EYS: variants seen among roughly 807,000 people sequenced by gnomAD.
EYS encodes the protein EGF-like photoreceptor maintenance factor.
In EYS, 250 loss-of-function variants were observed where a neutral mutation model predicts 282.1. That is an observed-to-expected ratio of 0.89 (90% CI 0.80 to 0.98). The LOEUF is 0.98. Ranked by LOEUF, EYS falls within the 50% of genes least tolerant of loss-of-function variation. The probability of loss-of-function intolerance (pLI) is 0.00; values close to 1 mark genes in which losing one functional copy is unlikely to be tolerated. For missense variants in EYS, 4,016 were observed against 3,709.0 expected, an observed-to-expected ratio of 1.08 and a Z score of -2.15; for synonymous variants, 1,355 against 1,282.9, an observed-to-expected ratio of 1.06 and a Z score of -1.20.
rs901874913 is a variant in EYS at position 65,301,215 on chromosome 6, G to T, written c.1767-5096C>A. 2.0e-4 allele frequency among the ~76,000 whole-genome samples: 30 copies of T among 147,866 alleles called. 1 individual carries two copies. The South Asian group carries it at 3.1e-3, about 15-fold the overall frequency. Reference sequence around the variant, plus strand: ...ATTTTATTGAAAGTCTAGATTTTGGGCTGGGCGTGGTAACTCATGCCTGTA... The same window carrying T: ...ATTTTATTGAAAGTCTAGATTTTGGTCTGGGCGTGGTAACTCATGCCTGTA... On this transcript the variant is annotated intron_variant, in intron 11 of 42. Coordinates refer to ENST00000503581, the MANE Select transcript of EYS (RefSeq NM_001142800.2).
At chr6:64,676,954 A>G (rs1158405188) in intron 22 of EYS, among the ~76,000 whole-genome samples, 1 of 152,192 alleles carries the variant, frequency 6.6e-6, no homozygotes, top group Non-Finnish European at 1.5e-5. Flanking sequence ...GAGTGGGCAC[A>G]TAAACATTCC....
intron 2 of EYS, among the ~76,000 whole-genome samples, chr6:65,587,866 A>G (rs1021456502): frequency 6.6e-6 from 1 of 152,108 alleles, no homozygotes; most frequent in Admixed American, 6.6e-5. Flanking sequence ...TTGTAGTTTC[A>G]TAAATTAAAA....
In EYS at chr6:65,001,572, G is replaced by C. The variant is rs774959023; in HGVS notation, c.2138-3869C>G. Among the ~76,000 whole-genome samples the C allele has an allele frequency of 2.3e-4, 34 of 147,938 alleles. 4 individuals carry two copies. Among genetic ancestry groups the C allele is most frequent in the Non-Finnish European group, 3.9e-4 (26 of 66,078 alleles). On this transcript the variant is annotated intron_variant, in intron 13 of 42. Transcript: ENST00000503581. ...GGCAAGCCAAAAGGCAACTTTTTGG[G>C]TGGAAAAACAGGAATGCCTGTTCTC...
At chr6:65,654,463 C>T (rs1463911406) in intron 1 of EYS, among the ~76,000 whole-genome samples, 1 of 151,842 alleles carries the variant, frequency 6.6e-6, no homozygotes, top group Non-Finnish European at 1.5e-5. Flanking sequence ...ATCTTATTTA[C>T]TCTTGAGGAA....
intron 13 of EYS, among the ~76,000 whole-genome samples, chr6:65,020,549 T>C (rs1312199473): frequency 1.3e-5 from 2 of 152,190 alleles, no homozygotes; most frequent in Non-Finnish European, 2.9e-5. Context: ...TTTCACAGGC[T>C]GGCATTGGGT....
intron 2 of EYS, among the ~76,000 whole-genome samples, chr6:65,601,861 C>A (rs888659939): frequency 6.6e-6 from 1 of 151,816 alleles, no homozygotes; most frequent in Non-Finnish European, 1.5e-5. Flanking sequence ...ATAGAAATAT[C>A]AAAACATATA....
At chr6:65,299,320 T>C (rs1474953679) in intron 11 of EYS, among the ~76,000 whole-genome samples, 1 of 152,150 alleles carries the variant, frequency 6.6e-6, no homozygotes, top group Non-Finnish European at 1.5e-5. Flanking sequence ...ATAAATAACA[T>C]ATTTTTAACA....
At chr6:65,145,063 G>C (rs976216364) in intron 12 of EYS, among the ~76,000 whole-genome samples, 1 of 151,910 alleles carries the variant, frequency 6.6e-6, no homozygotes, top group Non-Finnish European at 1.5e-5. Context: ...GAGCCACAGA[G>C]CCCATTTACT....
chr6:65,178,266 G>T (rs574216092), intron 12 of EYS, among the ~76,000 whole-genome samples: 6 of 152,002 alleles, frequency 3.9e-5, no homozygotes, highest in South Asian at 4.1e-4. Context: ...CTTGCCTGTT[G>T]CTCCCTTGCA....
chr6:64,560,790 TAA>T (rs1735747222), intron 26 of EYS, among the ~76,000 whole-genome samples: 1 of 152,020 alleles, frequency 6.6e-6, no homozygotes, highest in African/African-American at 2.4e-5. Flanking sequence ...AAACTAGAGA[TAA>T]GAGAGTATTT....
rs149319374 is a variant in EYS at position 64,871,105 on chromosome 6, C to T, written c.2992+15592G>A. The stretch of plus-strand genomic sequence containing the variant: ...ATCCAAGAAGCTGGCTTATTTCGCT[C>T]AAAATTAAGTTTCTACGATTTTTCT... On this transcript the variant is annotated intron_variant, in intron 19 of 42. Coordinates refer to ENST00000503581, the MANE Select transcript of EYS (RefSeq NM_001142800.2). Among the ~76,000 whole-genome samples, 262 of 151,890 alleles carry T rather than the reference C, an allele frequency of 1.7e-3. 1 individual carries two copies. The highest frequency in any genetic ancestry group is 6.0e-3 in the African/African-American group (251 of 41,514).
chr6:64,726,669 C>T (rs1284061207), intron 22 of EYS, among the ~76,000 whole-genome samples: 3 of 152,016 alleles, frequency 2.0e-5, no homozygotes, highest in Non-Finnish European at 4.4e-5. Flanking sequence ...TTGTAGAATT[C>T]AATTCTATAA....
chr6:65,674,914 T>C (rs534817598), intron 1 of EYS, among the ~76,000 whole-genome samples: 1 of 150,494 alleles, frequency 6.6e-6, no homozygotes, highest in East Asian at 2.0e-4. Flanking sequence ...AAAATACAAC[T>C]AAAATAAATT....
At chr6:64,268,813 C>A (rs1464939350) in intron 30 of EYS, among the ~76,000 whole-genome samples, 2 of 152,066 alleles carry the variant, frequency 1.3e-5, no homozygotes, top group Admixed American at 1.3e-4. Flanking sequence ...TAGACAATCC[C>A]ACCTGAGGAG....
At chr6:64,918,225 A>C (rs1768225188) in intron 15 of EYS, among the ~76,000 whole-genome samples, 1 of 152,162 alleles carries the variant, frequency 6.6e-6, no homozygotes, top group South Asian at 2.1e-4. Context: ...GTAAACATTA[A>C]AAATAGAATA....
At chr6:64,000,177 T>TTTTG (rs1768020537) in intron 33 of EYS, among the ~76,000 whole-genome samples, 1 of 49,494 alleles carries the variant, frequency 2.0e-5, no homozygotes. Flanking sequence ...ACTTTTTTTT[T>TTTTG]TTTTTTTTTT....
At chr6:64,679,471 A>G (rs543089303) in intron 22 of EYS, among the ~76,000 whole-genome samples, 4 of 152,260 alleles carry the variant, frequency 2.6e-5, no homozygotes, top group Admixed American at 2.0e-4. Flanking sequence ...ATCTCTTACC[A>G]TTATATATAA....
intron 22 of EYS, among the ~76,000 whole-genome samples, chr6:64,716,833 G>A (rs1324290385): frequency 6.6e-6 from 1 of 152,124 alleles, no homozygotes. Flanking sequence ...CTCCAACTGG[G>A]GAAGCAGTTT....
chr6:63,915,347 A>G (rs1255203602), intron 35 of EYS, among the ~76,000 whole-genome samples: 1 of 152,292 alleles, frequency 6.6e-6, no homozygotes, highest in East Asian at 1.9e-4. Context: ...GAATGTTTTA[A>G]GCTTACTGTT....
Sources: gnomAD v4.1 joint callset for allele counts (sites outside exome capture counted in the v4.1 genomes callset) on GRCh38, gnomAD v4.1.1 for gene constraint, MANE v1.5 for transcripts, NCBI Gene and HGNC (gene_info 2026-07-23, HGNC 2026-07-21) for gene names.